The following FER1L6 variants were observed in gnomAD, a reference collection of about 807,000 sequenced individuals.
FER1L6 encodes the protein fer-1-like protein 6.
Under a neutral mutation model 219.2 loss-of-function variants are expected in FER1L6, and 177 were observed. The ratio of observed to expected loss-of-function variants is 0.81; its 90% confidence interval spans 0.71 to 0.91. The LOEUF (loss-of-function observed/expected upper bound fraction) is 0.91. Ranked by LOEUF, FER1L6 falls within the 40% of genes least tolerant of loss-of-function variation. The pLI, the probability that FER1L6 is intolerant of heterozygous loss-of-function variation, is 0.00. For missense variants in FER1L6, 2,153 were observed against 2,259.9 expected (o/e 0.95, Z 0.96); for synonymous variants, 768 against 824.3 (o/e 0.93, Z 1.17).
At chr8:123,865,324 G>A (rs1459206130) in intron 1 of FER1L6, among the ~76,000 whole-genome samples, 1 of 149,826 alleles carries the variant, frequency 6.7e-6, no homozygotes, top group Non-Finnish European at 1.5e-5. Context: ...CACTTGAGGA[G>A]GCAGTCTGCC....
At chr8:124,068,157 T>C (rs1820903467) in intron 28 of FER1L6, among the ~76,000 whole-genome samples, 1 of 152,162 alleles carries the variant, frequency 6.6e-6, no homozygotes, top group Non-Finnish European at 1.5e-5. Flanking sequence ...GTTCCAAAAC[T>C]CAGTCTACAG....
At chr8:123,972,327 G>A (rs928248209) in intron 6 of FER1L6, among the ~76,000 whole-genome samples, 1 of 152,234 alleles carries the variant, frequency 6.6e-6, no homozygotes. Context: ...TCTGTCATTC[G>A]ATTAGTCATT....
chr8:124,119,049 T>A, intron 40 of FER1L6, 105 bp downstream of exon 40: 1 of 939,492 alleles, frequency 1.1e-6, no homozygotes, highest in African/African-American at 1.7e-5. Context: ...GTGGGAGAAC[T>A]GGGAAGCCAG....
chr8:124,118,262 C>A (rs2131051395), intron 39 of FER1L6, among the ~76,000 whole-genome samples: 1 of 152,242 alleles, frequency 6.6e-6, no homozygotes, highest in Non-Finnish European at 1.5e-5. Flanking sequence ...TGGCATAGTG[C>A]TCTAAAGAAA....
chr8:124,090,179 G>A (rs78683242), intron 33 of FER1L6, among the ~76,000 whole-genome samples: 1,797 of 152,218 alleles, frequency 0.012, 37 homozygotes, highest in African/African-American at 0.04. Context: ...GACTCTGAGC[G>A]CCTATATCCT....
chr8:123,857,572 C>T (rs1816669634), intron 1 of FER1L6, among the ~76,000 whole-genome samples: 1 of 152,154 alleles, frequency 6.6e-6, no homozygotes, highest in Non-Finnish European at 1.5e-5. Context: ...AAACTTTTTC[C>T]TTCCCTCCCA....
chr8:123,856,316 G>GTATATATATATATATATATATATA lies in FER1L6; in HGVS notation c.-8+4141_-8+4164dup, dbSNP rs1554608009. Among the ~76,000 whole-genome samples the GTATATATATATATATATATATATA allele has an allele frequency of 2.7e-4, 12 of 45,086 alleles. 1 individual carries two copies. The highest frequency in any genetic ancestry group is 7.8e-4 in the African/African-American group (9 of 11,508). The allele number at this position is 45,086 out of a possible 152,430, so 29.6% of individuals were successfully genotyped here. A position where few individuals can be genotyped will look rare whatever the true frequency, so the allele number is the denominator to read the frequency against. ...TGTATATATATATATATATGTATGTGTATATATATATATATATATATATAT... is the reference window on the plus strand; with the variant it reads ...TGTATATATATATATATATGTATGTGTATATATATATATATATATATATATATATATATATATATATATATATAT... On this transcript the variant is annotated intron_variant, in intron 1 of 40. Coordinates refer to ENST00000522917, the MANE Select transcript of FER1L6 (RefSeq NM_001039112.2).
intron 18 of FER1L6, among the ~76,000 whole-genome samples, chr8:124,031,646 T>C (rs534844012): frequency 6.6e-6 from 1 of 152,328 alleles, no homozygotes; most frequent in East Asian, 1.9e-4. Flanking sequence ...TTCTGTGACC[T>C]GCACTAGGGA....
intron 33 of FER1L6, among the ~76,000 whole-genome samples, chr8:124,091,181 T>A (rs953676539): frequency 1.1e-4 from 17 of 151,980 alleles, no homozygotes; most frequent in African/African-American, 3.9e-4. Flanking sequence ...CACTTCAATT[T>A]AAAAAAAATG....
intron 1 of FER1L6, among the ~76,000 whole-genome samples, chr8:123,868,113 C>T (rs1189312763): frequency 6.3e-5 from 7 of 110,266 alleles, no homozygotes; most frequent in Non-Finnish European, 1.0e-4. Context: ...TCTTCCTTCC[C>T]CGCTCCTTCT....
intron 1 of FER1L6, among the ~76,000 whole-genome samples, chr8:123,933,319 G>T (rs904175676): frequency 1.2e-4 from 18 of 152,108 alleles, no homozygotes; most frequent in African/African-American, 4.3e-4. Context: ...CCTTGGAGAA[G>T]TCTGCTCCCC....
chr8:123,871,716 T>G (rs1816926740), intron 1 of FER1L6, among the ~76,000 whole-genome samples: 1 of 152,176 alleles, frequency 6.6e-6, no homozygotes, highest in Admixed American at 6.5e-5. Context: ...AAGAGTGAAG[T>G]GTGCACAGTG....
intron 11 of FER1L6, among the ~76,000 whole-genome samples, chr8:123,982,437 C>G (rs1032643572): frequency 6.6e-6 from 1 of 152,140 alleles, no homozygotes; most frequent in African/African-American, 2.4e-5. Flanking sequence ...GTACATTTGT[C>G]TACAGGCTGT....
At chr8:123,963,169 T>C in intron 2 of FER1L6, 109 bp from the exon 3 acceptor site, 1 of 1,402,366 alleles carries the variant, frequency 7.1e-7, no homozygotes, top group Non-Finnish European at 9.7e-7. Flanking sequence ...TGTCTTCTAG[T>C]CTCTTTGTAC....
intron 1 of FER1L6, among the ~76,000 whole-genome samples, chr8:123,898,774 T>C (rs1293397363): frequency 3.1e-5 from 4 of 127,398 alleles, no homozygotes; most frequent in Non-Finnish European, 5.2e-5. Flanking sequence ...TATATGTGTA[T>C]ATATACGTAT....
At chr8:123,956,108 C>A (rs776440776) in intron 2 of FER1L6, 34 bp downstream of exon 2, 20 of 1,576,860 alleles carry the variant, frequency 1.3e-5, no homozygotes, top group Non-Finnish European at 1.6e-5. Context: ...ACCATTGGGG[C>A]CTGAGAGTCT....
At chr8:123,892,202 T>C (rs781338414) in intron 1 of FER1L6, among the ~76,000 whole-genome samples, 1 of 152,220 alleles carries the variant, frequency 6.6e-6, no homozygotes, top group Non-Finnish European at 1.5e-5. Context: ...TTTGGTTTTC[T>C]CTTTTGAAAA....
chr8:123,892,764 T>C (rs1341349026), intron 1 of FER1L6, among the ~76,000 whole-genome samples: 2 of 152,236 alleles, frequency 1.3e-5, no homozygotes, highest in African/African-American at 4.8e-5. Flanking sequence ...ACCTTTGATA[T>C]TTGTCAGACT....
intron 1 of FER1L6, among the ~76,000 whole-genome samples, chr8:123,899,896 T>C (rs145021706): frequency 1.1e-4 from 16 of 152,340 alleles, no homozygotes; most frequent in African/African-American, 3.8e-4. Context: ...TGGATGACTA[T>C]GGCCTTATAG....
Sources: allele counts gnomAD v4.1 joint callset (sites outside exome capture counted in the v4.1 genomes callset), GRCh38; gene constraint gnomAD v4.1.1; transcripts MANE v1.5; gene names NCBI Gene and HGNC (gene_info 2026-07-23, HGNC 2026-07-21).